The following AFAP1L1 variants were observed in gnomAD, a reference collection of about 807,000 sequenced individuals.
AFAP1L1 encodes actin filament associated protein 1 like 1.
Under a neutral mutation model 99.8 loss-of-function variants are expected in AFAP1L1, and 77 were observed. That is an observed-to-expected ratio of 0.77 (90% CI 0.64 to 0.93). AFAP1L1 has a LOEUF of 0.93. AFAP1L1 is among the 40% of genes least tolerant of loss of function. AFAP1L1 has a pLI of 0.00. For synonymous variants in AFAP1L1, 373 were observed against 395.3 expected, an observed-to-expected ratio of 0.94 and a Z score of 0.67; for missense variants, 893 against 996.8, an observed-to-expected ratio of 0.90 and a Z score of 1.40.
chr5:149,333,381 C>T (rs1233053900), intron 17 of AFAP1L1, among the ~76,000 whole-genome samples: 1 of 152,172 alleles, frequency 6.6e-6, no homozygotes, highest in Non-Finnish European at 1.5e-5. Flanking sequence ...ACTCCAGAGC[C>T]CTGCTCCAGA....
intron 1 of AFAP1L1, among the ~76,000 whole-genome samples, chr5:149,294,631 T>C (rs1051203849): frequency 2.0e-5 from 3 of 152,198 alleles, no homozygotes; most frequent in Admixed American, 2.0e-4. Flanking sequence ...TCTTCACAGC[T>C]GAAGTTCTGA....
chr5:149,327,049 C>T (rs1162864942), intron 15 of AFAP1L1, among the ~76,000 whole-genome samples: 2 of 152,040 alleles, frequency 1.3e-5, no homozygotes, highest in Non-Finnish European at 1.5e-5. Flanking sequence ...AAATTTATGA[C>T]ACACATGAAG....
At position 149,320,086 on chromosome 5, in the gene AFAP1L1, C is replaced by G. The variant is rs906552035; in HGVS notation, c.1626-305C>G. ...TAGAAGAGCCAAGTTCGAGTCCCAG[C>G]TCAGTCACCACCAGCAGTGGAAGCT... On this transcript the variant is annotated intron_variant, in intron 13 of 18. Transcript: ENST00000296721. This position sits in a 1 kb window ranked among gnomAD's most constrained non-coding sequence, Gnocchi z 4.0. Among the ~76,000 whole-genome samples, 22 of 152,226 alleles carry G rather than the reference C, an allele frequency of 1.4e-4. No individual in the cohort carries two copies. Among genetic ancestry groups the G allele is most frequent in the Non-Finnish European group, 2.8e-4 (19 of 68,048 alleles).
intron 5 of AFAP1L1, among the ~76,000 whole-genome samples, 173 bp from the exon 6 acceptor site, chr5:149,306,133 G>A (rs1475908400): frequency 6.6e-6 from 1 of 152,162 alleles, no homozygotes; most frequent in African/African-American, 2.4e-5. Context: ...GGACTGTGGA[G>A]AGCTAGAACA....
chr5:149,280,934 C>G (rs558315166), intron 1 of AFAP1L1, among the ~76,000 whole-genome samples: 2 of 152,296 alleles, frequency 1.3e-5, no homozygotes, highest in African/African-American at 4.8e-5. Flanking sequence ...AGCAGAACAC[C>G]CACATCCAAG....
chr5:149,283,350 C>G (rs1461036074), intron 1 of AFAP1L1, among the ~76,000 whole-genome samples: 3 of 152,172 alleles, frequency 2.0e-5, no homozygotes, highest in African/African-American at 7.2e-5. Context: ...AGTGGTGGGA[C>G]TTGGCTGGGA....
intron 1 of AFAP1L1, among the ~76,000 whole-genome samples, chr5:149,291,307 T>C (rs1755845233): frequency 6.6e-6 from 1 of 151,262 alleles, no homozygotes; most frequent in Non-Finnish European, 1.5e-5. Context: ...GGTGGGCAGA[T>C]CATAAGGTCA....
At chr5:149,277,972 A>C (rs1373253237) in intron 1 of AFAP1L1, among the ~76,000 whole-genome samples, 8 of 152,086 alleles carry the variant, frequency 5.3e-5, no homozygotes, top group Non-Finnish European at 1.0e-4. Context: ...TTTTTGTCAA[A>C]GTTTTGCCAG....
intron 1 of AFAP1L1, among the ~76,000 whole-genome samples, chr5:149,272,839 A>AT (rs1755173933): frequency 1.3e-5 from 2 of 152,000 alleles, no homozygotes. Flanking sequence ...AATAGCTGGG[A>AT]TTAGAGGCAT....
Position 149,332,818 on chromosome 5 carries a change from C to A in AFAP1L1, c.2099C>A (p.Ser700Tyr), listed in dbSNP as rs772019234. Residue 700 changes from serine (S) to tyrosine (Y), a missense_variant, in exon 17 of 19, where the codon TCC becomes TAC. Coordinates refer to ENST00000296721, the MANE Select transcript of AFAP1L1 (RefSeq NM_152406.4). ...GCTGTGAAGGAGCGCTTGCAGCAGT[C>A]CCTGGCAGGAGGGCCAGCCCTGGGG... Reference protein sequence around the residue: ...LVAVKERLQQSLAGGPALGLS... With the variant: ...LVAVKERLQQYLAGGPALGLS... The A allele has an allele frequency of 3.1e-6, 5 of 1,612,306 alleles. No individual in the cohort carries two copies. The East Asian group carries it at 1.1e-4, about 36-fold the overall frequency.
At chr5:149,313,662 C>G (rs1756707574) in intron 9 of AFAP1L1, among the ~76,000 whole-genome samples, 1 of 152,216 alleles carries the variant, frequency 6.6e-6, no homozygotes, top group Non-Finnish European at 1.5e-5. Flanking sequence ...CAGGTGCAAG[C>G]CCTGCCCTCA....
intron 1 of AFAP1L1, among the ~76,000 whole-genome samples, chr5:149,288,521 C>T (rs1379639139): frequency 1.3e-5 from 2 of 152,222 alleles, no homozygotes; most frequent in Non-Finnish European, 2.9e-5. Flanking sequence ...TCTGCTTCCC[C>T]ACGCCATTGG....
chr5:149,308,130 C>T (rs1756493769), intron 7 of AFAP1L1, among the ~76,000 whole-genome samples: 1 of 151,908 alleles, frequency 6.6e-6, no homozygotes, highest in South Asian at 2.1e-4. Context: ...ACTTGGGCAA[C>T]GGTGAGAGAT....
rs532471533 is a variant in AFAP1L1 at position 149,301,230 on chromosome 5, C to A, written c.327C>A (p.Asn109Lys). Residue 109 changes from asparagine to lysine, a missense_variant and splice_region_variant, in exon 4 of 19, where the codon AAC becomes AAA. By Grantham distance (94) the Asn-to-Lys change is moderately conservative. Coordinates refer to ENST00000296721, the MANE Select transcript of AFAP1L1 (RefSeq NM_152406.4). ...PELAKSPRLRNAADLPPPLPN... is the reference protein window; with the variant it reads ...PELAKSPRLRKAADLPPPLPN... ...TAGCCAAGAGCCCACGCCTGAGAAACGTGAGTCATGGCCTGGGTTCCCACA... is the reference window on the plus strand; with the variant it reads ...TAGCCAAGAGCCCACGCCTGAGAAAAGTGAGTCATGGCCTGGGTTCCCACA... 2 of 1,613,716 alleles carry A rather than the reference C, an allele frequency of 1.2e-6. No individual in the cohort carries two copies. The highest frequency in any genetic ancestry group is 1.7e-6 in the Non-Finnish European group (2 of 1,179,788).
intron 1 of AFAP1L1, 100 bp downstream of exon 1, chr5:149,272,084 TG>T: frequency 1.3e-6 from 1 of 792,948 alleles, no homozygotes. Flanking sequence ...AGGCGGGCGG[TG>T]GGGCGGGGGC....
At position 149,331,653 on chromosome 5, in the gene AFAP1L1, A is replaced by G. The variant is rs1757262304; in HGVS notation, c.1976-1042A>G. 2.0e-5 allele frequency among the ~76,000 whole-genome samples: 3 copies of G among 152,066 alleles called. No homozygotes were observed. The South Asian group carries it at 6.2e-4, about 32-fold the overall frequency. On this transcript the variant is annotated intron_variant, in intron 16 of 18. Coordinates refer to ENST00000296721, the MANE Select transcript of AFAP1L1 (RefSeq NM_152406.4). ...AAAAAAAAAATTGAATAAGCAGCAA[A>G]TCCTACTGAAAACTCTGGTGTCTGT...
At chr5:149,339,931 G>A (rs1185897294) in intron 18 of AFAP1L1, 76 bp from the exon 19 acceptor site, 12 of 1,532,988 alleles carry the variant, frequency 7.8e-6, no homozygotes, top group Middle Eastern at 1.7e-4. Context: ...ATCTAACTAG[G>A]TGCCGTGAAA....
intron 1 of AFAP1L1, among the ~76,000 whole-genome samples, chr5:149,286,199 A>G (rs1755674159): frequency 6.6e-6 from 1 of 152,138 alleles, no homozygotes; most frequent in South Asian, 2.1e-4. Context: ...GGACTTCTCT[A>G]AGCACTTTAT....
chr5:149,279,443 A>G lies in AFAP1L1; in HGVS notation c.16+7459A>G, dbSNP rs189825931. ...GCAGCTTGACCCTTTTGCACACTGT[A>G]GAGAACAGGACTTCTAGGAGTGTAT... On this transcript the variant is annotated intron_variant, in intron 1 of 18. Coordinates refer to ENST00000296721, the MANE Select transcript of AFAP1L1 (RefSeq NM_152406.4). Among the ~76,000 whole-genome samples, 4 of 152,366 alleles carry G rather than the reference A, an allele frequency of 2.6e-5. No individual in the cohort carries two copies. The East Asian group carries it at 7.7e-4, about 29-fold the overall frequency.
Sources: allele counts gnomAD v4.1 joint callset (sites outside exome capture counted in the v4.1 genomes callset), GRCh38; gene constraint gnomAD v4.1.1; non-coding constraint Gnocchi (gnomAD v3.1); transcripts MANE v1.5; gene names NCBI Gene and HGNC (gene_info 2026-07-23, HGNC 2026-07-21).